Variants in ATL1 observed in about 807,000 individuals in gnomAD.
ATL1 encodes atlastin GTPase 1, also known as atlastin-1.
ATL1 carries 31 observed loss-of-function variants against 75.5 expected under a neutral mutation model. The ratio of observed to expected loss-of-function variants is 0.41; its 90% CI spans 0.31 to 0.55. The LOEUF (loss-of-function observed/expected upper bound fraction) is 0.55, where lower values mean the gene tolerates loss of function less well. Ranked by LOEUF, ATL1 falls within the 20% of genes least tolerant of loss-of-function variation. ATL1 has a pLI of 0.27. For synonymous variants in ATL1, 226 were observed against 233.3 expected, an observed-to-expected ratio of 0.97 and a Z score of 0.28; for missense variants, 405 against 662.6, an observed-to-expected ratio of 0.61 and a Z score of 4.27.
intron 8 of ATL1, among the ~76,000 whole-genome samples, chr14:50,620,183 A>T (rs1033582291): frequency 2.6e-5 from 4 of 152,120 alleles, no homozygotes; most frequent in African/African-American, 9.7e-5. Flanking sequence ...GCTTGAACCC[A>T]GGAGGCAGAG....
rs111440268 is a variant in ATL1, at chr14:50,596,228, G to A, written c.630+596G>A. On this transcript the variant is annotated intron_variant, in intron 6 of 13. Coordinates refer to ENST00000358385, the MANE Select transcript of ATL1 (RefSeq NM_015915.5). ...ACATTCCTGTAATCCCAGCTACTCG[G>A]ATAGCTGTGGTGGGAGGATCACTTG... Among the ~76,000 whole-genome samples, 191 of 152,192 alleles carry A rather than the reference G, an allele frequency of 1.3e-3. 1 individual carries two copies. The highest frequency in any genetic ancestry group is 2.4e-3 in the Non-Finnish European group (165 of 67,992).
chr14:50,574,569 G>A (rs528778651), intron 1 of ATL1, among the ~76,000 whole-genome samples: 1 of 152,232 alleles, frequency 6.6e-6, no homozygotes, highest in African/African-American at 2.4e-5. Context: ...GAAAACAACT[G>A]TGTCTAAAAC....
rs971221725 is a variant in ATL1, at chr14:50,590,261, G to A, written c.283-680G>A. Among the ~76,000 whole-genome samples the A allele has an allele frequency of 2.6e-4, 39 of 152,206 alleles. 1 individual carries two copies. The highest frequency in any genetic ancestry group is 2.1e-4 in the Non-Finnish European group (14 of 67,992). ...ACTAGCCCTACCTACTTCTAGAATA[G>A]TATCTTTCTACCACAACTATGATGA... On this transcript the variant is annotated intron_variant, in intron 2 of 13. Coordinates refer to ENST00000358385, the MANE Select transcript of ATL1 (RefSeq NM_015915.5).
chr14:50,609,438 G>A (rs978333118), intron 6 of ATL1, among the ~76,000 whole-genome samples: 7 of 151,926 alleles, frequency 4.6e-5, no homozygotes, highest in African/African-American at 1.7e-4. Context: ...GGTGGTATTG[G>A]TACTGCTACT....
At chr14:50,623,461 T>G (rs2039487162) in intron 11 of ATL1, among the ~76,000 whole-genome samples, 1 of 152,112 alleles carries the variant, frequency 6.6e-6, no homozygotes, top group South Asian at 2.1e-4. Context: ...ATGAATTGCC[T>G]CTCTCTGTAA....
chr14:50,624,547 T>G (rs1191185591), intron 11 of ATL1, among the ~76,000 whole-genome samples: 1 of 151,970 alleles, frequency 6.6e-6, no homozygotes, highest in Non-Finnish European at 1.5e-5. Flanking sequence ...TCCTTTCTTT[T>G]ACCTGAGGCA....
At chr14:50,558,790 T>C (rs1027495812), upstream of ATL1, among the ~76,000 whole-genome samples, 1 of 152,232 alleles carries the variant, frequency 6.6e-6, no homozygotes, top group African/African-American at 2.4e-5. Context: ...TCTATGAACT[T>C]GGTTTATAGG....
At chr14:50,591,677 TA>T (rs745384604) in intron 4 of ATL1, 38 bp downstream of exon 4, 2 of 1,419,020 alleles carry the variant, frequency 1.4e-6, no homozygotes, top group African/African-American at 2.8e-5. Flanking sequence ...TTTCTTTAAC[TA>T]AAAATTATGA....
At chr14:50,568,407 TA>T (rs933452067) in intron 1 of ATL1, among the ~76,000 whole-genome samples, 13 of 147,784 alleles carry the variant, frequency 8.8e-5, no homozygotes, top group East Asian at 2.0e-4. Flanking sequence ...ATATTGTCTC[TA>T]AAAAAAAAAC....
chr14:50,582,034 A>T (rs1179302755), intron 1 of ATL1, among the ~76,000 whole-genome samples: 2 of 152,152 alleles, frequency 1.3e-5, no homozygotes, highest in Admixed American at 1.3e-4. Context: ...TAATCCCAGC[A>T]CTTTGGGAGG....
chr14:50,590,579 T>C (rs1386187110), intron 2 of ATL1, among the ~76,000 whole-genome samples: 1 of 152,216 alleles, frequency 6.6e-6, no homozygotes, highest in Admixed American at 6.5e-5. Flanking sequence ...GCCTGACCAA[T>C]GGTTAGTTAT....
chr14:50,588,524 TATC>T (rs1270666961), intron 2 of ATL1, among the ~76,000 whole-genome samples: 2 of 152,244 alleles, frequency 1.3e-5, no homozygotes, highest in Non-Finnish European at 2.9e-5. Flanking sequence ...ATTCCTGCTT[TATC>T]ACTTATGACT....
At chr14:50,541,986 G>A (rs1218478575) in intron 1 of ATL1, among the ~76,000 whole-genome samples, 24 of 124,878 alleles carry the variant, frequency 1.9e-4, no homozygotes, top group African/African-American at 7.6e-4. Flanking sequence ...CAGCCTGGGC[G>A]ACAGAGCGAG....
rs189006408 is a variant in ATL1 at position 50,605,260 on chromosome 14, A to G, written c.631-7999A>G. ...TTCTTCCAGTGGATTTTCTGCCTGC[A>G]ATATCCATAGACTTCCCTATCTATA... On this transcript the variant is annotated intron_variant, in intron 6 of 13. Coordinates refer to ENST00000358385, the MANE Select transcript of ATL1 (RefSeq NM_015915.5). Among the ~76,000 whole-genome samples, 116 of 151,864 alleles carry G rather than the reference A, an allele frequency of 7.6e-4. 3 individuals carry two copies. The East Asian group carries it at 0.02, about 26-fold the overall frequency.
intron 1 of ATL1, among the ~76,000 whole-genome samples, chr14:50,582,915 A>G (rs1280077768): frequency 6.6e-6 from 1 of 152,196 alleles, no homozygotes; most frequent in Non-Finnish European, 1.5e-5. Flanking sequence ...GTGCAAATAT[A>G]TATTATTTGC....
intron 11 of ATL1, among the ~76,000 whole-genome samples, chr14:50,623,774 G>A (rs1470941072): frequency 6.6e-6 from 1 of 152,072 alleles, no homozygotes; most frequent in African/African-American, 2.4e-5. Context: ...AATTAGGCTG[G>A]GTGCGGTGGC....
chr14:50,623,518 A>G (rs920683214), intron 11 of ATL1, among the ~76,000 whole-genome samples: 2 of 151,730 alleles, frequency 1.3e-5, no homozygotes, highest in African/African-American at 4.8e-5. Context: ...TCTTTCCACT[A>G]TTTATAAAAT....
chr14:50,576,449 C>T (rs1186916937), intron 1 of ATL1, among the ~76,000 whole-genome samples: 2 of 152,114 alleles, frequency 1.3e-5, no homozygotes, highest in Non-Finnish European at 1.5e-5. Context: ...CTGTTTCCTG[C>T]CCCCTCTCTC....
intron 1 of ATL1, among the ~76,000 whole-genome samples, chr14:50,535,935 C>T (rs571694267): frequency 4.6e-5 from 7 of 152,170 alleles, no homozygotes; most frequent in Non-Finnish European, 8.8e-5. Flanking sequence ...ATAACTCTCA[C>T]GAGACCTGAT....
Sources: gnomAD v4.1 joint callset for allele counts (sites outside exome capture counted in the v4.1 genomes callset) on GRCh38, gnomAD v4.1.1 for gene constraint, MANE v1.5 for transcripts, NCBI Gene and HGNC (gene_info 2026-07-23, HGNC 2026-07-21) for gene names.